PAX5: variants seen among roughly 807,000 people sequenced by gnomAD.
PAX5 encodes the protein paired box protein Pax-5.
In PAX5, 9 loss-of-function variants were observed where a neutral mutation model predicts 43.7. The ratio of observed to expected loss-of-function variants is 0.21; its 90% CI spans 0.12 to 0.36. The LOEUF (loss-of-function observed/expected upper bound fraction) is 0.36, where lower values mean the gene tolerates loss of function less well. Among genes scored for constraint, PAX5 ranks in the 10% least tolerant of loss-of-function variants. The pLI, the probability that PAX5 is intolerant of heterozygous loss-of-function variation, is 1.00. For missense variants in PAX5, 383 were observed against 532.7 expected, an observed-to-expected ratio of 0.72 and a Z score of 2.77; for synonymous variants, 228 against 214.3, an observed-to-expected ratio of 1.06 and a Z score of -0.56.
At chr9:36,930,602 C>G (rs1208282912) in intron 6 of PAX5, among the ~76,000 whole-genome samples, 1 of 152,186 alleles carries the variant, frequency 6.6e-6, no homozygotes, top group Non-Finnish European at 1.5e-5. Context: ...GGAGTGATAA[C>G]ACAGGGTTTT....
intron 5 of PAX5, among the ~76,000 whole-genome samples, chr9:36,977,998 C>T (rs913046723): frequency 6.6e-6 from 1 of 152,182 alleles, no homozygotes; most frequent in African/African-American, 2.4e-5. Flanking sequence ...CCCTCTCTGT[C>T]GAGCTGTTCA....
intron 3 of PAX5, among the ~76,000 whole-genome samples, chr9:37,006,987 C>T (rs1244238835): frequency 4.6e-5 from 7 of 152,156 alleles, no homozygotes; most frequent in Non-Finnish European, 7.3e-5. Context: ...CCTCTGGCAG[C>T]GCTCACGTGC....
chr9:36,986,089 GCGCCCTCGC>G (rs1836382111), intron 5 of PAX5, among the ~76,000 whole-genome samples: 1 of 151,980 alleles, frequency 6.6e-6, no homozygotes. Flanking sequence ...CCCCCGTCCG[GCGCCCTCGC>G]CCCGGCGCGC....
At chr9:36,947,130 C>G (rs3758170) in intron 6 of PAX5, among the ~76,000 whole-genome samples, 2 of 151,952 alleles carry the variant, frequency 1.3e-5, no homozygotes, top group East Asian at 3.9e-4. Flanking sequence ...AATAAATATG[C>G]CTGTTCCTAA....
chr9:36,979,764 C>T (rs1264349067), intron 5 of PAX5, among the ~76,000 whole-genome samples: 1 of 152,134 alleles, frequency 6.6e-6, no homozygotes, highest in East Asian at 1.9e-4. Flanking sequence ...AATTACCAAG[C>T]CATTTTGGAC....
chr9:36,859,412 T>A (rs1823978532), intron 8 of PAX5, among the ~76,000 whole-genome samples: 1 of 152,144 alleles, frequency 6.6e-6, no homozygotes, highest in South Asian at 2.1e-4. Context: ...ACCACCCAGC[T>A]GCTTCGGCTC....
intron 5 of PAX5, among the ~76,000 whole-genome samples, chr9:36,994,316 C>G (rs1837204492): frequency 1.3e-5 from 2 of 152,194 alleles, no homozygotes. Context: ...CACTAACTGC[C>G]CCCTGCATAC....
intron 8 of PAX5, among the ~76,000 whole-genome samples, chr9:36,869,728 C>T (rs1825238614): frequency 6.6e-6 from 1 of 152,244 alleles, no homozygotes; most frequent in Middle Eastern, 3.4e-3. Flanking sequence ...TAGGCTACTA[C>T]CTGGCACATG....
intron 6 of PAX5, among the ~76,000 whole-genome samples, chr9:36,945,297 A>G (rs905284340): frequency 1.3e-5 from 2 of 152,074 alleles, no homozygotes; most frequent in Admixed American, 1.3e-4. Flanking sequence ...GCTGAAGTAC[A>G]GTGGCACAAT....
At chr9:37,019,623 A>C (rs922372294) in intron 2 of PAX5, among the ~76,000 whole-genome samples, 1 of 152,220 alleles carries the variant, frequency 6.6e-6, no homozygotes, top group Non-Finnish European at 1.5e-5. Flanking sequence ...ATACTTCAAA[A>C]TATTTACCTC....
intron 6 of PAX5, 150 bp from the exon 7 acceptor site, chr9:36,923,634 A>G (rs1165459601): frequency 2.5e-6 from 2 of 811,920 alleles, no homozygotes; most frequent in African/African-American, 3.4e-5. Flanking sequence ...TCCAGTGTTG[A>G]AAGGGCAGAG....
intron 1 of PAX5, chr9:37,026,536 G>T: frequency 7.5e-7 from 1 of 1,329,826 alleles, no homozygotes; most frequent in Non-Finnish European, 9.9e-7. Context: ...TACTTACTAT[G>T]CATGGATGCA....
At chr9:37,033,831 C>T (rs1397853272) in intron 1 of PAX5, among the ~76,000 whole-genome samples, 155 bp downstream of exon 1, 1 of 152,132 alleles carries the variant, frequency 6.6e-6, no homozygotes, top group Non-Finnish European at 1.5e-5. Flanking sequence ...AGTGTGTGAA[C>T]AGATAGGTGA....
chr9:36,888,953 G>C (rs901718479), intron 7 of PAX5, among the ~76,000 whole-genome samples: 1 of 152,222 alleles, frequency 6.6e-6, no homozygotes, highest in East Asian at 1.9e-4. Flanking sequence ...CTTACTCGCT[G>C]TGTGACCTCT....
intron 5 of PAX5, among the ~76,000 whole-genome samples, chr9:36,971,709 G>A (rs1389653983): frequency 6.6e-6 from 1 of 152,144 alleles, no homozygotes; most frequent in African/African-American, 2.4e-5. Flanking sequence ...TTAACATTCT[G>A]GAAGCTAGCT....
rs149156742 is a variant in PAX5 at position 36,896,626 on chromosome 9, C to T, written c.911-14521G>A. Among the ~76,000 whole-genome samples the T allele has an allele frequency of 3.4e-3, 517 of 152,316 alleles. 3 individuals carry two copies. The highest frequency in any genetic ancestry group is 4.2e-3 in the Non-Finnish European group (283 of 68,020). ...AGATCAGGTGCCAGGGCCGAACTATCTCACAGAATCACCGGCTGCTTTTGC... is the reference window on the plus strand; with the variant it reads ...AGATCAGGTGCCAGGGCCGAACTATTTCACAGAATCACCGGCTGCTTTTGC... On this transcript the variant is annotated intron_variant, in intron 7 of 9. Coordinates refer to ENST00000358127, the MANE Select transcript of PAX5 (RefSeq NM_016734.3).
chr9:36,971,756 A>G (rs1834944759), intron 5 of PAX5, among the ~76,000 whole-genome samples: 1 of 152,214 alleles, frequency 6.6e-6, no homozygotes, highest in South Asian at 2.1e-4. Context: ...CGTCTCGGGG[A>G]GCAAAGAAAT....
At chr9:36,920,184 C>T (rs1229117931) in intron 7 of PAX5, among the ~76,000 whole-genome samples, 2 of 152,146 alleles carry the variant, frequency 1.3e-5, no homozygotes, top group Non-Finnish European at 2.9e-5. Flanking sequence ...GAAATGCCAA[C>T]AAAGGATTTA....
At chr9:36,890,304 G>A (rs1006527018) in intron 7 of PAX5, among the ~76,000 whole-genome samples, 1 of 152,190 alleles carries the variant, frequency 6.6e-6, no homozygotes, top group Admixed American at 6.5e-5. Flanking sequence ...TTGATGGCCC[G>A]AGAGGGTCTG....
Sources: allele counts gnomAD v4.1 joint callset (sites outside exome capture counted in the v4.1 genomes callset), GRCh38; gene constraint gnomAD v4.1.1; transcripts MANE v1.5; gene names NCBI Gene and HGNC (gene_info 2026-07-23, HGNC 2026-07-21).